The following EPS15L1 variants were observed in gnomAD, a reference collection of about 807,000 sequenced individuals.
The protein encoded by EPS15L1 is epidermal growth factor receptor pathway substrate 15 like 1.
Under a neutral mutation model 117.1 loss-of-function variants are expected in EPS15L1, and 43 were observed. The ratio of observed to expected loss-of-function variants is 0.37; its 90% CI spans 0.29 to 0.47. EPS15L1 has a LOEUF of 0.47. EPS15L1 is among the 20% of genes least tolerant of loss of function. The pLI is 0.99. For missense variants in EPS15L1, 981 were observed against 1,164.0 expected, an observed-to-expected ratio of 0.84 and a Z score of 2.29; for synonymous variants, 459 against 470.5, an observed-to-expected ratio of 0.98 and a Z score of 0.32.
chr19:16,453,234 G>A (rs2093163419), intron 1 of EPS15L1, among the ~76,000 whole-genome samples: 1 of 151,960 alleles, frequency 6.6e-6, no homozygotes, highest in South Asian at 2.1e-4. Context: ...CAAGTAGCTG[G>A]GTCTATAAGT....
intron 13 of EPS15L1, among the ~76,000 whole-genome samples, chr19:16,406,828 A>G (rs996591368): frequency 7.2e-5 from 11 of 152,248 alleles, no homozygotes; most frequent in African/African-American, 2.7e-4. Flanking sequence ...CATGCCGTGT[A>G]CTGAATGTCT....
At chr19:16,402,166 G>A (rs1599585315) in intron 16 of EPS15L1, 155 bp downstream of exon 16, 3 of 1,429,086 alleles carry the variant, frequency 2.1e-6, no homozygotes, top group East Asian at 5.2e-5. Context: ...GCAAGGCCTG[G>A]TGTGAACGCG....
intron 22 of EPS15L1, among the ~76,000 whole-genome samples, chr19:16,376,866 G>C (rs1476075777): frequency 6.6e-6 from 1 of 152,254 alleles, no homozygotes. Flanking sequence ...CTAAGGCCAA[G>C]GCTTTGTGCA....
chr19:16,449,442 G>A (rs557665898), intron 1 of EPS15L1, among the ~76,000 whole-genome samples: 4 of 152,266 alleles, frequency 2.6e-5, no homozygotes, highest in African/African-American at 7.2e-5. Flanking sequence ...GCCACTGCAC[G>A]CTATCAGAGT....
In EPS15L1 at chr19:16,393,656, A is replaced by T. The variant is rs8111949; in HGVS notation, c.1966+295T>A. Among the ~76,000 whole-genome samples the T allele has an allele frequency of 6.3e-3, 939 of 150,114 alleles. 13 individuals carry two copies. Among genetic ancestry groups the T allele is most frequent in the African/African-American group, 0.019 (801 of 41,168 alleles). On this transcript the variant is annotated intron_variant, in intron 18 of 23. Coordinates refer to ENST00000455140, the MANE Select transcript of EPS15L1 (RefSeq NM_001258374.3). The stretch of plus-strand genomic sequence containing the variant: ...AGAGCGAGACTCCGTCTCAAAAAAA[A>T]AAAAAATAAAAAATAAATAAATAAA...
At chr19:16,458,323 C>A (rs2093216062) in intron 1 of EPS15L1, among the ~76,000 whole-genome samples, 1 of 152,198 alleles carries the variant, frequency 6.6e-6, no homozygotes, top group African/African-American at 2.4e-5. Flanking sequence ...GTTGCTGCCA[C>A]CATGGAGCAT....
intron 23 of EPS15L1, chr19:16,356,253 T>C (rs2091978622): frequency 4.8e-6 from 1 of 209,176 alleles, no homozygotes; most frequent in South Asian, 1.2e-4. Context: ...ATGTGGTATT[T>C]CTACCTCCAG....
At chr19:16,432,524 C>T (rs574737027) in intron 7 of EPS15L1, among the ~76,000 whole-genome samples, 13 of 152,042 alleles carry the variant, frequency 8.6e-5, no homozygotes, top group African/African-American at 2.9e-4. Context: ...GCAGAGATTG[C>T]GCCACTGTAC....
intron 22 of EPS15L1, among the ~76,000 whole-genome samples, chr19:16,366,053 T>C (rs1339600353): frequency 6.6e-6 from 1 of 152,200 alleles, no homozygotes. Flanking sequence ...GTATTTGATT[T>C]TTCCTCGAAT....
At chr19:16,389,774 T>C (rs1568410037) in intron 19 of EPS15L1, among the ~76,000 whole-genome samples, 1 of 152,208 alleles carries the variant, frequency 6.6e-6, no homozygotes, top group South Asian at 2.1e-4. Context: ...TGGACCTACA[T>C]GGTTGCAAGT....
rs562312816 is a variant in EPS15L1, at chr19:16,427,789, G to A, written c.558+913C>T. Among the ~76,000 whole-genome samples the A allele has an allele frequency of 1.0e-3, 154 of 152,294 alleles. 1 individual carries two copies. Among genetic ancestry groups the A allele is most frequent in the South Asian group, 6.8e-3 (33 of 4,828 alleles). Reference sequence around the variant, plus strand: ...TGCACCTGTAATTCCAGCTACTTGGGAGACTGAGGCATGGGAATTGCTTGA... The same window carrying A: ...TGCACCTGTAATTCCAGCTACTTGGAAGACTGAGGCATGGGAATTGCTTGA... On this transcript the variant is annotated intron_variant, in intron 8 of 23. Transcript: ENST00000455140.
intron 13 of EPS15L1, among the ~76,000 whole-genome samples, chr19:16,412,080 TGTTTC>T (rs1163998444): frequency 2.0e-5 from 3 of 152,222 alleles, no homozygotes; most frequent in Non-Finnish European, 2.9e-5. Context: ...CATATTGTAT[TGTTTC>T]ATCAATTTGG....
At chr19:16,398,912 C>T (rs950414517) in intron 16 of EPS15L1, among the ~76,000 whole-genome samples, 1 of 152,218 alleles carries the variant, frequency 6.6e-6, no homozygotes, top group African/African-American at 2.4e-5. Flanking sequence ...CCTCCTGCTT[C>T]AGCCTCCCAA....
At chr19:16,446,827 T>C (rs2093087704) in intron 1 of EPS15L1, among the ~76,000 whole-genome samples, 2 of 152,322 alleles carry the variant, frequency 1.3e-5, no homozygotes, top group East Asian at 3.9e-4. Flanking sequence ...AATTTGAGCA[T>C]ATAAATGGAC....
chr19:16,446,637 T>C (rs1338755609), intron 1 of EPS15L1, among the ~76,000 whole-genome samples: 1 of 152,114 alleles, frequency 6.6e-6, no homozygotes, highest in Non-Finnish European at 1.5e-5. Context: ...GCACCCAGGA[T>C]AGGTGGTCCT....
Position 16,365,840 on chromosome 19 carries a change from T to C in EPS15L1, c.2381-3856A>G, listed in dbSNP as rs2092125981. 6.6e-6 allele frequency among the ~76,000 whole-genome samples: 1 copy of C among 152,210 alleles called. No homozygotes were observed. Among genetic ancestry groups the C allele is most frequent in the Non-Finnish European group, 1.5e-5 (1 of 68,030 alleles). On this transcript the variant is annotated intron_variant, in intron 22 of 23. Transcript: ENST00000455140. The surrounding 1 kb of genome is among the most constrained non-coding windows in gnomAD (Gnocchi z 4.9). ...ACAAATGCCAGCCAATACTGCCCCA[T>C]GTCCCTGGTGCCCTCCAGCCCAGGG...
intron 22 of EPS15L1, among the ~76,000 whole-genome samples, chr19:16,363,773 GC>G (rs1284943949): frequency 6.6e-6 from 1 of 152,208 alleles, no homozygotes; most frequent in Non-Finnish European, 1.5e-5. Flanking sequence ...CTGGCCCGTA[GC>G]CCCCCCTTGC....
intron 1 of EPS15L1, among the ~76,000 whole-genome samples, chr19:16,466,170 T>C (rs1163930572): frequency 6.6e-6 from 1 of 152,094 alleles, no homozygotes; most frequent in African/African-American, 2.4e-5. Context: ...TGTATTTTAG[T>C]AGAGACAGGG....
At chr19:16,448,739 A>G (rs2093110908) in intron 1 of EPS15L1, among the ~76,000 whole-genome samples, 1 of 152,024 alleles carries the variant, frequency 6.6e-6, no homozygotes, top group South Asian at 2.1e-4. Flanking sequence ...CTAAGCCAGG[A>G]GAACTGCTTG....
Sources: allele counts gnomAD v4.1 joint callset (sites outside exome capture counted in the v4.1 genomes callset), GRCh38; gene constraint gnomAD v4.1.1; non-coding constraint Gnocchi (gnomAD v3.1); transcripts MANE v1.5; gene names NCBI Gene and HGNC (gene_info 2026-07-23, HGNC 2026-07-21).